The following DOCK3 variants were observed in gnomAD, a reference collection of about 807,000 sequenced individuals.
The protein encoded by DOCK3 is dedicator of cytokinesis protein 3.
A neutral mutation model predicts 265.6 loss-of-function variants in DOCK3; 60 were observed. That is an observed-to-expected ratio of 0.23 (90% CI 0.18 to 0.28). The LOEUF (loss-of-function observed/expected upper bound fraction) is 0.28, where lower values mean the gene tolerates loss of function less well. Ranked by LOEUF, DOCK3 falls within the 10% of genes least tolerant of loss-of-function variation. The pLI is 1.00. For synonymous variants in DOCK3, 881 were observed against 938.0 expected, an observed-to-expected ratio of 0.94 and a Z score of 1.11; for missense variants, 1,981 against 2,594.3, an observed-to-expected ratio of 0.76 and a Z score of 5.14.
chr3:50,808,752 G>C (rs2106719792), intron 2 of DOCK3, among the ~76,000 whole-genome samples: 1 of 152,314 alleles, frequency 6.6e-6, no homozygotes, highest in East Asian at 1.9e-4. Context: ...TTAGTTTCTT[G>C]CTTGTCCACT....
At chr3:51,254,732 C>G (rs12496830) in intron 22 of DOCK3, among the ~76,000 whole-genome samples, 10,612 of 152,160 alleles carry the variant, frequency 0.07, 942 homozygotes, top group East Asian at 0.32. Flanking sequence ...AGATCTTCCT[C>G]CATCCCTTTA....
chr3:50,881,455 A>G (rs2048017682), intron 3 of DOCK3: 1 of 152,264 alleles, frequency 6.6e-6, no homozygotes, highest in Non-Finnish European at 1.5e-5. Flanking sequence ...AAAAATCACA[A>G]GCATTCCTGT....
chr3:50,798,269 G>T (rs561662567), intron 2 of DOCK3, among the ~76,000 whole-genome samples: 1 of 152,168 alleles, frequency 6.6e-6, no homozygotes, highest in Admixed American at 6.5e-5. Flanking sequence ...ACCAGGTCTC[G>T]CTATGGAATG....
At chr3:51,067,995 T>G (rs1342651063) in intron 6 of DOCK3, among the ~76,000 whole-genome samples, 2 of 152,210 alleles carry the variant, frequency 1.3e-5, no homozygotes, top group East Asian at 3.9e-4. Context: ...CATAAAATCT[T>G]GAAGTTTAGC....
At position 50,805,147 on chromosome 3, in the gene DOCK3, T is replaced by C. The variant is rs191396308; in HGVS notation, c.121+26389T>C. 3.3e-5 allele frequency among the ~76,000 whole-genome samples: 5 copies of C among 152,346 alleles called. No individual in the cohort carries two copies. In the East Asian group the frequency reaches 9.6e-4, roughly 29 times the overall value. Reference sequence around the variant, plus strand: ...AGTGGAAAAGTCGCCTCTTCCAATTTTATGGTGTAGGTTTCTTAGGGAAAT... The same window carrying C: ...AGTGGAAAAGTCGCCTCTTCCAATTCTATGGTGTAGGTTTCTTAGGGAAAT... On this transcript the variant is annotated intron_variant, in intron 2 of 52. Transcript: ENST00000266037.
At chr3:50,738,999 A>G (rs1380618350) in intron 1 of DOCK3, among the ~76,000 whole-genome samples, 1 of 152,162 alleles carries the variant, frequency 6.6e-6, no homozygotes, top group Non-Finnish European at 1.5e-5. Flanking sequence ...AATAAGCAGC[A>G]GATTGATACT....
intron 27 of DOCK3, among the ~76,000 whole-genome samples, chr3:51,290,615 C>T (rs1047973899): frequency 1.3e-5 from 2 of 152,064 alleles, no homozygotes; most frequent in Non-Finnish European, 2.9e-5. Context: ...AGCACACCAA[C>T]ATGGCACATG....
chr3:50,924,722 G>A (rs918288846), intron 4 of DOCK3, among the ~76,000 whole-genome samples: 1 of 152,230 alleles, frequency 6.6e-6, no homozygotes, highest in African/African-American at 2.4e-5. Context: ...TGATTCAGCA[G>A]TTGTGGTGTC....
chr3:51,375,352 T>A (rs1252786522), intron 50 of DOCK3, among the ~76,000 whole-genome samples: 1 of 152,228 alleles, frequency 6.6e-6, no homozygotes, highest in Non-Finnish European at 1.5e-5. Flanking sequence ...CCTTCAGTGC[T>A]AGCATGGGCC....
intron 9 of DOCK3, among the ~76,000 whole-genome samples, chr3:51,138,302 G>T (rs908970591): frequency 6.6e-6 from 1 of 152,164 alleles, no homozygotes; most frequent in Non-Finnish European, 1.5e-5. Context: ...CATACCCATT[G>T]TAGAAGCTAG....
At chr3:51,127,118 A>G (rs1328469380) in intron 9 of DOCK3, among the ~76,000 whole-genome samples, 1 of 152,150 alleles carries the variant, frequency 6.6e-6, no homozygotes, top group Non-Finnish European at 1.5e-5. Context: ...TGGGAGAAAG[A>G]TGTAGGCTGG....
rs891845035 is a variant in DOCK3 at position 50,982,414 on chromosome 3, C to T, written c.315+48337C>T. Among the ~76,000 whole-genome samples the T allele has an allele frequency of 2.0e-5, 3 of 152,058 alleles. No individual in the cohort carries two copies. The South Asian group carries it at 6.2e-4, about 32-fold the overall frequency. On this transcript the variant is annotated intron_variant, in intron 5 of 52. Transcript: ENST00000266037. ...GCAGTGGCAGGCCTTTTGAAGCAGCCACTGCCATCGTGCTGGCTGCAGTGG... is the reference window on the plus strand; with the variant it reads ...GCAGTGGCAGGCCTTTTGAAGCAGCTACTGCCATCGTGCTGGCTGCAGTGG...
rs555231582 is a variant in DOCK3 at position 50,738,471 on chromosome 3, C to T, written c.38-40204C>T. On this transcript the variant is annotated intron_variant, in intron 1 of 52. Transcript: ENST00000266037. ...CGAGGTCCTCAGGGGCTGGCATGCT[C>T]GCAGTCATTTTAGAAATCAATGTCT... Among the ~76,000 whole-genome samples, 53 of 152,240 alleles carry T rather than the reference C, an allele frequency of 3.5e-4. No individual in the cohort carries two copies. In the South Asian group the frequency reaches 6.4e-3, roughly 18 times the overall value.
At chr3:51,149,807 T>A (rs892955879) in intron 10 of DOCK3, among the ~76,000 whole-genome samples, 1 of 152,124 alleles carries the variant, frequency 6.6e-6, no homozygotes, top group African/African-American at 2.4e-5. Context: ...ATCTTTTTTG[T>A]TGTTGTGTCT....
At chr3:51,291,374 T>G (rs374619084) in intron 27 of DOCK3, among the ~76,000 whole-genome samples, 35 of 152,230 alleles carry the variant, frequency 2.3e-4, no homozygotes, top group African/African-American at 8.4e-4. Flanking sequence ...GTTTATTTTC[T>G]GAAAAGCAAA....
chr3:51,101,768 C>G (rs1199301112), intron 9 of DOCK3, among the ~76,000 whole-genome samples: 1 of 152,120 alleles, frequency 6.6e-6, no homozygotes, highest in African/African-American at 2.4e-5. Context: ...CGTGTAGAAT[C>G]CAGCTGAATT....
rs1259819557 is a variant in DOCK3, at chr3:51,204,003, C to A, written c.1038-4771C>A. Reference sequence around the variant, plus strand: ...CTGGATCCCTTCCTTACACCTTATACAAAAATCAATTCAAGATGGATTAAA... The same window carrying A: ...CTGGATCCCTTCCTTACACCTTATAAAAAAATCAATTCAAGATGGATTAAA... On this transcript the variant is annotated intron_variant, in intron 12 of 52. Coordinates refer to ENST00000266037, the MANE Select transcript of DOCK3 (RefSeq NM_004947.5). 3.6e-3 allele frequency among the ~76,000 whole-genome samples: 543 copies of A among 151,792 alleles called. 4 individuals carry two copies. Among genetic ancestry groups the A allele is most frequent in the East Asian group, 0.02 (103 of 5,174 alleles).
At chr3:50,957,357 A>G (rs1259068290) in intron 5 of DOCK3, among the ~76,000 whole-genome samples, 1 of 152,222 alleles carries the variant, frequency 6.6e-6, no homozygotes, top group Non-Finnish European at 1.5e-5. Flanking sequence ...TCTTTTAAAA[A>G]TGGAAATTTA....
chr3:50,693,262 A>G (rs1576119599), intron 1 of DOCK3, among the ~76,000 whole-genome samples: 1 of 152,330 alleles, frequency 6.6e-6, no homozygotes, highest in Middle Eastern at 3.4e-3. Flanking sequence ...ATTTCTGCAA[A>G]GAATACAGTT....
Sources: allele counts gnomAD v4.1 joint callset (sites outside exome capture counted in the v4.1 genomes callset), GRCh38; gene constraint gnomAD v4.1.1; transcripts MANE v1.5; gene names NCBI Gene and HGNC (gene_info 2026-07-23, HGNC 2026-07-21).